Variants in SRBD1 observed in about 807,000 individuals in gnomAD.
SRBD1 encodes the protein S1 RNA binding domain 1, also known as S1 RNA-binding domain-containing protein 1.
Under a neutral mutation model 115.3 loss-of-function variants are expected in SRBD1, and 88 were observed. The observed-to-expected ratio is 0.76, with a 90% CI of 0.64 to 0.91. The LOEUF (loss-of-function observed/expected upper bound fraction) is 0.91, where lower values mean the gene tolerates loss of function less well. Among genes scored for constraint, SRBD1 ranks in the 40% least tolerant of loss-of-function variants. SRBD1 has a pLI of 0.00. For missense variants in SRBD1, 1,385 were observed against 1,177.4 expected, an observed-to-expected ratio of 1.18 and a Z score of -2.58; for synonymous variants, 509 against 407.7, an observed-to-expected ratio of 1.25 and a Z score of -2.99.
intron 16 of SRBD1, among the ~76,000 whole-genome samples, chr2:45,428,559 T>A (rs150280555): frequency 0.03 from 3,760 of 123,298 alleles, 171 homozygotes; most frequent in African/African-American, 0.095. Flanking sequence ...CTCAAAAAAA[T>A]AAATAAATAA....
intron 16 of SRBD1, among the ~76,000 whole-genome samples, chr2:45,444,575 T>A (rs1323140119): frequency 2.6e-5 from 4 of 152,206 alleles, no homozygotes; most frequent in Non-Finnish European, 5.9e-5. Context: ...GTTCATTATT[T>A]AAAAATCAAA....
chr2:45,552,111 AT>A (rs1046002365), intron 11 of SRBD1, among the ~76,000 whole-genome samples: 1 of 152,216 alleles, frequency 6.6e-6, no homozygotes, highest in African/African-American at 2.4e-5. Context: ...AAAATGACAC[AT>A]GGATGAATGA....
intron 16 of SRBD1, among the ~76,000 whole-genome samples, chr2:45,472,865 T>C (rs1558418421): frequency 6.6e-6 from 1 of 152,188 alleles, no homozygotes; most frequent in Non-Finnish European, 1.5e-5. Flanking sequence ...TGATTTTGCC[T>C]TAAGTTCTAT....
At chr2:45,442,422 T>G (rs1459589236) in intron 16 of SRBD1, among the ~76,000 whole-genome samples, 4 of 152,194 alleles carry the variant, frequency 2.6e-5, no homozygotes, top group Non-Finnish European at 5.9e-5. Context: ...TCCTGCAATA[T>G]CTCCCGTTCT....
chr2:45,536,405 G>C (rs1047184316), intron 14 of SRBD1, among the ~76,000 whole-genome samples: 1 of 151,782 alleles, frequency 6.6e-6, no homozygotes, highest in South Asian at 2.1e-4. Context: ...ACTTGTTCTA[G>C]CAAACCAATC....
At chr2:45,410,377 A>G (rs374803570) in intron 19 of SRBD1, among the ~76,000 whole-genome samples, 1 of 152,220 alleles carries the variant, frequency 6.6e-6, no homozygotes, top group Non-Finnish European at 1.5e-5. Flanking sequence ...TCTCGTATGT[A>G]TTTTTCTAAG....
At chr2:45,473,942 T>C (rs1572679816) in intron 16 of SRBD1, among the ~76,000 whole-genome samples, 1 of 152,218 alleles carries the variant, frequency 6.6e-6, no homozygotes, top group East Asian at 1.9e-4. Flanking sequence ...GTCCTCTGTA[T>C]CATGTGACTT....
chr2:45,592,059 A>C (rs921182734), intron 4 of SRBD1, among the ~76,000 whole-genome samples: 5 of 152,238 alleles, frequency 3.3e-5, no homozygotes, highest in African/African-American at 1.2e-4. Flanking sequence ...ATAGTGAATA[A>C]GTCTCACCAG....
intron 16 of SRBD1, among the ~76,000 whole-genome samples, chr2:45,431,404 T>C (rs12622611): frequency 0.7 from 106,908 of 152,050 alleles, 38,418 homozygotes; most frequent in African/African-American, 0.83. Flanking sequence ...CCATCAATGA[T>C]AGACTGGATA....
intron 16 of SRBD1, among the ~76,000 whole-genome samples, chr2:45,440,209 A>G (rs184676457): frequency 1.1e-4 from 17 of 152,298 alleles, no homozygotes; most frequent in Non-Finnish European, 2.2e-4. Flanking sequence ...AACAAAATAT[A>G]TAACTTCTTT....
intron 14 of SRBD1, among the ~76,000 whole-genome samples, chr2:45,493,901 C>A (rs1239680926): frequency 6.6e-6 from 1 of 151,754 alleles, no homozygotes; most frequent in Non-Finnish European, 1.5e-5. Context: ...CAAAGACTTT[C>A]AAACTGCAGA....
chr2:45,423,278 T>C (rs894222148), intron 16 of SRBD1, among the ~76,000 whole-genome samples: 1 of 152,130 alleles, frequency 6.6e-6, no homozygotes, highest in Non-Finnish European at 1.5e-5. Context: ...GTGAAGCAAA[T>C]GGAATGCTCA....
At chr2:45,484,571 ATTGTT>A in intron 15 of SRBD1, among the ~76,000 whole-genome samples, 1 of 152,290 alleles carries the variant, frequency 6.6e-6, no homozygotes, top group East Asian at 1.9e-4. Context: ...GTTAATTGTT[ATTGTT>A]ATTTTATTGA....
chr2:45,472,055 T>C (rs1316381018), intron 16 of SRBD1, among the ~76,000 whole-genome samples: 1 of 152,110 alleles, frequency 6.6e-6, no homozygotes, highest in Non-Finnish European at 1.5e-5. Flanking sequence ...TTTATAATAC[T>C]TGAAAGGTAT....
intron 3 of SRBD1, among the ~76,000 whole-genome samples, chr2:45,600,858 AT>A (rs1674070329): frequency 6.6e-6 from 1 of 152,168 alleles, no homozygotes; most frequent in South Asian, 2.1e-4. Flanking sequence ...TTTATCAAGT[AT>A]TTTTTCCAGA....
chr2:45,447,947 TGGC>T (rs1668877812), intron 16 of SRBD1: 1 of 152,190 alleles, frequency 6.6e-6, no homozygotes, highest in Admixed American at 6.5e-5. Flanking sequence ...TAAAATAACA[TGGC>T]TTATTGTTTA....
chr2:45,418,293 T>A, intron 18 of SRBD1, 72 bp downstream of exon 18: 2 of 1,531,614 alleles, frequency 1.3e-6, no homozygotes, highest in Non-Finnish European at 1.8e-6. Context: ...TTTACACTAA[T>A]CAGTGGTAGG....
chr2:45,468,834 A>G (rs1015457681), intron 16 of SRBD1, among the ~76,000 whole-genome samples: 2 of 152,190 alleles, frequency 1.3e-5, no homozygotes, highest in Admixed American at 1.3e-4. Flanking sequence ...TGGTGGTACC[A>G]ATTTATACTG....
At chr2:45,580,711 AG>A (rs1285201879) in intron 6 of SRBD1, among the ~76,000 whole-genome samples, 2 of 90,860 alleles carry the variant, frequency 2.2e-5, no homozygotes. Context: ...TTTGAGATGG[AG>A]TCTTGCCCTG....
Sources: allele counts gnomAD v4.1 joint callset (sites outside exome capture counted in the v4.1 genomes callset), GRCh38; gene constraint gnomAD v4.1.1; transcripts MANE v1.5; gene names NCBI Gene and HGNC (gene_info 2026-07-23, HGNC 2026-07-21).